Variants in CAPN14 observed in about 807,000 individuals in gnomAD.
CAPN14 encodes calpain 14, also known as calpain-14.
Under a neutral mutation model 101.3 loss-of-function variants are expected in CAPN14, and 94 were observed. That is an observed-to-expected ratio of 0.93 (90% CI 0.79 to 1.10). The LOEUF (loss-of-function observed/expected upper bound fraction) is 1.10. Among genes scored for constraint, CAPN14 ranks in the 50% least tolerant of loss-of-function variants. The pLI, the probability that CAPN14 is intolerant of heterozygous loss-of-function variation, is 0.00. For missense variants in CAPN14, 837 were observed against 828.4 expected (o/e 1.01, Z -0.13); for synonymous variants, 338 against 317.9 (o/e 1.06, Z -0.67).
intron 16 of CAPN14, among the ~76,000 whole-genome samples, chr2:31,181,442 C>CTTTCTTTCT (rs1680612632): frequency 1.0e-5 from 1 of 98,962 alleles, no homozygotes; most frequent in South Asian, 3.2e-4. Context: ...TTCTTTCTTT[C>CTTTCTTTCT]TTTTTCTTTC....
intron 13 of CAPN14, among the ~76,000 whole-genome samples, chr2:31,188,654 C>T (rs752521408): frequency 4.6e-5 from 7 of 152,022 alleles, no homozygotes; most frequent in Non-Finnish European, 1.0e-4. Context: ...TACCTGTGGC[C>T]GAGACATAAA....
chr2:31,203,157 A>C lies in CAPN14; in HGVS notation c.226-18T>G. 2 of 1,550,320 alleles carry C rather than the reference A, an allele frequency of 1.3e-6. No homozygotes were observed. Among genetic ancestry groups the C allele is most frequent in the Non-Finnish European group, 1.7e-6 (2 of 1,145,770 alleles). ...TGCAGCTCCTGGGAAAGACAAACAG[A>C]ATTGTCATTCTGACCTAGAACAAAA... On this transcript the variant is annotated intron_variant, in intron 2 of 21. Coordinates refer to ENST00000403897, the MANE Select transcript of CAPN14 (RefSeq NM_001145122.2).
chr2:31,181,025 A>T, intron 16 of CAPN14, 25 bp from the exon 17 acceptor site: 1 of 1,548,570 alleles, frequency 6.5e-7, no homozygotes, highest in Non-Finnish European at 8.7e-7. Flanking sequence ...AAGAGTCCAC[A>T]TGGGGGCTGG....
chr2:31,180,951 G>A lies in CAPN14; in HGVS notation c.1695C>T (p.Ile565=), dbSNP rs754234522. 5.4e-5 allele frequency: 84 copies of A among 1,551,702 alleles called. No homozygotes were observed. Among genetic ancestry groups the A allele is most frequent in the Non-Finnish European group, 7.0e-5 (80 of 1,147,008 alleles). ...PFFSLEACQG[I]LALLDLNASG... The stretch of plus-strand genomic sequence containing the variant: ...GAAAGGATACGTCCAGTAAGGCCAG[G>A]ATCCCCTGGCAGGCTTCCAGGCTAA... Residue 565 remains isoleucine, a synonymous_variant, in exon 17 of 22, where the codon ATC becomes ATT. Coordinates refer to ENST00000403897, the MANE Select transcript of CAPN14 (RefSeq NM_001145122.2).
Position 31,203,127 on chromosome 2 carries a change from T to A in CAPN14, c.238A>T (p.Asn80Tyr). Reference protein sequence around the residue: ...QWKRPPELHSNPQFYFAKAKR... With the variant: ...QWKRPPELHSYPQFYFAKAKR... Reference sequence around the variant, plus strand: ...GCCTTGGCAAAATAAAACTGGGGATTGCTGTGCAGCTCCTGGGAAAGACAA... The same window carrying A: ...GCCTTGGCAAAATAAAACTGGGGATAGCTGTGCAGCTCCTGGGAAAGACAA... The change falls in exon 3 of 22, where the codon AAT becomes TAT. Residue 80 changes from asparagine (N) to tyrosine (Y), a missense_variant. Transcript: ENST00000403897. 6.4e-7 allele frequency: 1 copy of A among 1,551,652 alleles called. No homozygotes were observed. Among genetic ancestry groups the A allele is most frequent in the Non-Finnish European group, 8.7e-7 (1 of 1,146,948 alleles).
At chr2:31,233,649 A>G (rs1304495096) in intron 1 of CAPN14, 1 of 152,198 alleles carries the variant, frequency 6.6e-6, no homozygotes, top group African/African-American at 2.4e-5. Flanking sequence ...GAATGAATGA[A>G]TAAGTAAATG....
chr2:31,181,747 C>T (rs1314051434), intron 16 of CAPN14, among the ~76,000 whole-genome samples: 4 of 139,084 alleles, frequency 2.9e-5, no homozygotes, highest in Non-Finnish European at 4.6e-5. Flanking sequence ...TGTTCAATTC[C>T]CACCTATGAG....
intron 2 of CAPN14, among the ~76,000 whole-genome samples, chr2:31,203,709 G>T (rs1681917571): frequency 6.6e-6 from 1 of 152,138 alleles, no homozygotes; most frequent in Non-Finnish European, 1.5e-5. Context: ...TAGGATCTTG[G>T]CTGCCATGTA....
At position 31,181,397 on chromosome 2, in the gene CAPN14, T is replaced by TC. The variant is rs1436699802; in HGVS notation, c.1646-398_1646-397insG. Reference sequence around the variant, plus strand: ...TTTCTCTTTTCTTTTTTTCTTTCTTTTTTTCTTTCTTTCTTTCTTTCTTTC... The same window carrying TC: ...TTTCTCTTTTCTTTTTTTCTTTCTTTCTTTTCTTTCTTTCTTTCTTTCTTTC... On this transcript the variant is annotated intron_variant, in intron 16 of 21. Coordinates refer to ENST00000403897, the MANE Select transcript of CAPN14 (RefSeq NM_001145122.2). Among the ~76,000 whole-genome samples the TC allele has an allele frequency of 4.7e-3, 498 of 105,772 alleles. 4 individuals are homozygous for TC. The highest frequency in any genetic ancestry group is 0.02 in the African/African-American group (454 of 23,214). 69.4% of individuals were successfully genotyped at this position (105,772 alleles called of 152,430 possible).
chr2:31,220,590 C>T (rs1208485003), upstream of CAPN14, among the ~76,000 whole-genome samples: 1 of 152,114 alleles, frequency 6.6e-6, no homozygotes, highest in African/African-American at 2.4e-5. Context: ...TTTGGGAGGC[C>T]GAGGCAGGCG....
chr2:31,193,437 G>C (rs2148683064), intron 9 of CAPN14, 143 bp from the exon 10 acceptor site: 2 of 808,090 alleles, frequency 2.5e-6, no homozygotes, highest in East Asian at 5.4e-5. Context: ...GAGCTGAGCT[G>C]ACGATAGGCA....
Position 31,191,958 on chromosome 2 carries a change from C to A in CAPN14, c.1255G>T (p.Ala419Ser). Residue 419 changes from alanine to serine, a missense_variant, in exon 11 of 22, where the codon GCC becomes TCC. Physicochemically the swap from Ala to Ser is moderately conservative, Grantham distance 99. Coordinates refer to ENST00000403897, the MANE Select transcript of CAPN14 (RefSeq NM_001145122.2). ...ACCCTATACAGGTAGAAGCCAATGG[C>A]GAGGAGAGGCTTCCGCTTGCGGCAC... is the stretch of plus-strand genomic sequence containing the variant. Reference protein sequence around the residue: ...HRCRKRKPLLAIGFYLYRMNK... With the variant: ...HRCRKRKPLLSIGFYLYRMNK... 3 of 1,551,012 alleles carry A rather than the reference C, an allele frequency of 1.9e-6. No homozygotes were observed. Among genetic ancestry groups the A allele is most frequent in the Non-Finnish European group, 2.6e-6 (3 of 1,146,660 alleles).
chr2:31,202,538 C>A (rs554696406), intron 3 of CAPN14, among the ~76,000 whole-genome samples: 3 of 152,240 alleles, frequency 2.0e-5, no homozygotes, highest in African/African-American at 7.2e-5. Flanking sequence ...GGGACCTCAA[C>A]GCCACTCACT....
At chr2:31,223,683 G>C (rs888585640) in intron 2 of CAPN14, among the ~76,000 whole-genome samples, 2 of 151,420 alleles carry the variant, frequency 1.3e-5, no homozygotes, top group South Asian at 4.2e-4. Flanking sequence ...CGCCCACCAC[G>C]ACGCGTGGCT....
At chr2:31,233,331 G>A (rs1406100394) in intron 1 of CAPN14, among the ~76,000 whole-genome samples, 1 of 152,148 alleles carries the variant, frequency 6.6e-6, no homozygotes, top group Non-Finnish European at 1.5e-5. Flanking sequence ...AGTTCCTCAA[G>A]CCTTTGCAAA....
intron 18 of CAPN14, 117 bp downstream of exon 18, chr2:31,178,391 GAGA>G (rs1441807627): frequency 4.0e-6 from 3 of 746,448 alleles, no homozygotes; most frequent in Admixed American, 2.2e-5. Flanking sequence ...AGGGAGAATA[GAGA>G]AGGTTTGGTG....
chr2:31,183,183 A>T (rs182623596), intron 16 of CAPN14, among the ~76,000 whole-genome samples: 50,226 of 151,240 alleles, frequency 0.33, 9,889 homozygotes, highest in African/African-American at 0.54. Context: ...ACAAAAATTA[A>T]TTCAAGATGG....
intron 1 of CAPN14, among the ~76,000 whole-genome samples, chr2:31,214,202 G>C (rs532571311): frequency 2.0e-5 from 3 of 152,324 alleles, no homozygotes; most frequent in African/African-American, 7.2e-5. Flanking sequence ...TGACAGAAGG[G>C]ATGGATGTTT....
intron 2 of CAPN14, among the ~76,000 whole-genome samples, chr2:31,225,397 C>T (rs1227727871): frequency 1.3e-5 from 2 of 152,006 alleles, no homozygotes; most frequent in South Asian, 2.1e-4. Flanking sequence ...ACTCTGATAT[C>T]ATTGTGGTAA....
Sources: allele counts gnomAD v4.1 joint callset (sites outside exome capture counted in the v4.1 genomes callset), GRCh38; gene constraint gnomAD v4.1.1; transcripts MANE v1.5; gene names NCBI Gene and HGNC (gene_info 2026-07-23, HGNC 2026-07-21).